The following MARCHF1 variants were observed in gnomAD, a reference collection of about 807,000 sequenced individuals.
The protein encoded by MARCHF1 is membrane associated ring-CH-type finger 1, also known as E3 ubiquitin-protein ligase MARCHF1.
A neutral mutation model predicts 54.2 loss-of-function variants in MARCHF1; 40 were observed. That is an observed-to-expected ratio of 0.74 (90% CI 0.57 to 0.96). MARCHF1 has a LOEUF of 0.96. Among genes scored for constraint, MARCHF1 ranks in the 40% least tolerant of loss-of-function variants. The pLI is 0.00. For synonymous variants in MARCHF1, 236 were observed against 236.3 expected, an observed-to-expected ratio of 1.00 and a Z score of 0.01; for missense variants, 586 against 656.5, an observed-to-expected ratio of 0.89 and a Z score of 1.17.
chr4:163,927,498 C>A (rs1049063166), intron 3 of MARCHF1, among the ~76,000 whole-genome samples: 2 of 151,722 alleles, frequency 1.3e-5, no homozygotes, highest in Non-Finnish European at 3.0e-5. Context: ...AATTTTAAGT[C>A]ATAGAGGTGC....
At position 163,818,395 on chromosome 4, in the gene MARCHF1, A is replaced by G. The variant is rs184570208; in HGVS notation, c.111+35626T>C. Among the ~76,000 whole-genome samples the G allele has an allele frequency of 2.0e-5, 3 of 152,140 alleles. No homozygotes were observed. The East Asian group carries it at 5.8e-4, about 29-fold the overall frequency. Reference sequence around the variant, plus strand: ...ATTAACCCCAGCATCCATTAATAAGATTCTGTGCCTTGTTGATTCTGTGGA... The same window carrying G: ...ATTAACCCCAGCATCCATTAATAAGGTTCTGTGCCTTGTTGATTCTGTGGA... On this transcript the variant is annotated intron_variant, in intron 4 of 9. Coordinates refer to ENST00000514618, the MANE Select transcript of MARCHF1 (RefSeq NM_001394959.1).
At chr4:164,266,992 T>G (rs981967736) in intron 1 of MARCHF1, among the ~76,000 whole-genome samples, 1 of 152,180 alleles carries the variant, frequency 6.6e-6, no homozygotes, top group African/African-American at 2.4e-5. Flanking sequence ...GAGTGTGGGG[T>G]GACATGATGT....
chr4:163,614,492 G>A lies in MARCHF1; in HGVS notation c.163-1099C>T, dbSNP rs148133489. On this transcript the variant is annotated intron_variant, in intron 5 of 9. Coordinates refer to ENST00000514618, the MANE Select transcript of MARCHF1 (RefSeq NM_001394959.1). Reference sequence around the variant, plus strand: ...CTGCAGAGATGAAATGCACAATTTCGTCACCAAGAAAATAACAGTAAAGGT... The same window carrying A: ...CTGCAGAGATGAAATGCACAATTTCATCACCAAGAAAATAACAGTAAAGGT... Among the ~76,000 whole-genome samples the A allele has an allele frequency of 3.6e-4, 55 of 152,078 alleles. No homozygotes were observed. In the East Asian group the frequency reaches 6.0e-3, roughly 17 times the overall value.
intron 1 of MARCHF1, among the ~76,000 whole-genome samples, chr4:164,137,528 C>T (rs147675729): frequency 5.9e-5 from 9 of 151,948 alleles, no homozygotes; most frequent in African/African-American, 1.2e-4. Flanking sequence ...GCGGAAAATG[C>T]GTTTCAGATT....
chr4:164,263,900 G>T (rs938075866), intron 1 of MARCHF1, among the ~76,000 whole-genome samples: 2 of 152,186 alleles, frequency 1.3e-5, no homozygotes, highest in African/African-American at 4.8e-5. Flanking sequence ...GTTGGTGGGT[G>T]TGCAAATCAG....
chr4:163,588,751 T>C (rs1398820249), intron 7 of MARCHF1, among the ~76,000 whole-genome samples: 1 of 152,150 alleles, frequency 6.6e-6, no homozygotes. Context: ...GTTGAGTAGT[T>C]GCTGCAGAGA....
chr4:164,336,236 A>T (rs1245357089), intron 1 of MARCHF1, among the ~76,000 whole-genome samples: 1 of 152,234 alleles, frequency 6.6e-6, no homozygotes, highest in Admixed American at 6.5e-5. Flanking sequence ...AAGACAGCCC[A>T]TGTCAGATAA....
chr4:164,077,135 C>T (rs1754998330), intron 2 of MARCHF1, among the ~76,000 whole-genome samples: 1 of 152,154 alleles, frequency 6.6e-6, no homozygotes. Context: ...AACTATACTA[C>T]AAGTTTACAG....
chr4:163,917,062 G>A (rs775814735), intron 3 of MARCHF1, among the ~76,000 whole-genome samples: 2 of 152,012 alleles, frequency 1.3e-5, no homozygotes, highest in African/African-American at 2.4e-5. Context: ...CCATAGTTTT[G>A]CTGTTTCCAG....
chr4:164,268,860 T>G (rs1211118824), intron 1 of MARCHF1, among the ~76,000 whole-genome samples: 2 of 152,066 alleles, frequency 1.3e-5, no homozygotes, highest in Non-Finnish European at 2.9e-5. Flanking sequence ...AAAAAAGCAA[T>G]AAGAAGCCTC....
At chr4:164,021,079 CTTTTTT>C (rs58872172) in intron 2 of MARCHF1, among the ~76,000 whole-genome samples, 138 of 141,598 alleles carry the variant, frequency 9.7e-4, no homozygotes, top group South Asian at 1.3e-3. Flanking sequence ...ATTTCTGTCC[CTTTTTT>C]TTTTTTTTTT....
chr4:164,081,709 TACACAC>T (rs145723294), intron 2 of MARCHF1, among the ~76,000 whole-genome samples: 4 of 151,084 alleles, frequency 2.6e-5, no homozygotes, highest in African/African-American at 4.9e-5. Flanking sequence ...TGCATGCATA[TACACAC>T]ACACACACAT....
intron 3 of MARCHF1, among the ~76,000 whole-genome samples, chr4:163,859,588 T>C (rs901247640): frequency 2.6e-5 from 4 of 152,210 alleles, no homozygotes; most frequent in South Asian, 4.1e-4. Flanking sequence ...CTTGAACTCC[T>C]AACCTCAGGT....
chr4:164,239,983 A>G (rs1331961736), intron 1 of MARCHF1, among the ~76,000 whole-genome samples: 1 of 152,236 alleles, frequency 6.6e-6, no homozygotes, highest in Non-Finnish European at 1.5e-5. Flanking sequence ...CTTGCTCTAA[A>G]CATTCAGTGT....
chr4:163,669,601 C>CTTTTT (rs11338534), intron 5 of MARCHF1, among the ~76,000 whole-genome samples: 1 of 141,668 alleles, frequency 7.1e-6, no homozygotes, highest in African/African-American at 2.6e-5. Flanking sequence ...AGATGTTTAT[C>CTTTTT]TTTTTTTTTT....
intron 1 of MARCHF1, among the ~76,000 whole-genome samples, chr4:164,153,714 A>T (rs1295637637): frequency 6.6e-6 from 1 of 152,148 alleles, no homozygotes; most frequent in Non-Finnish European, 1.5e-5. Flanking sequence ...AGAAAAATTC[A>T]TCACAGATTA....
At chr4:163,626,646 G>A (rs2110975938) in intron 5 of MARCHF1, among the ~76,000 whole-genome samples, 1 of 152,180 alleles carries the variant, frequency 6.6e-6, no homozygotes, top group Admixed American at 6.5e-5. Context: ...TAGTTCTAGG[G>A]GACCGGGCAC....
chr4:164,172,339 G>C (rs768436103), intron 1 of MARCHF1, among the ~76,000 whole-genome samples: 1 of 152,114 alleles, frequency 6.6e-6, no homozygotes, highest in South Asian at 2.1e-4. Context: ...TTGTTGATAA[G>C]CTTCAATTTT....
At chr4:163,749,444 C>T (rs1028927356) in intron 4 of MARCHF1, among the ~76,000 whole-genome samples, 2 of 151,836 alleles carry the variant, frequency 1.3e-5, no homozygotes, top group African/African-American at 4.8e-5. Flanking sequence ...CCTTCTTGCC[C>T]TGGAAATCCA....
Sources: gnomAD v4.1 joint callset for allele counts (sites outside exome capture counted in the v4.1 genomes callset) on GRCh38, gnomAD v4.1.1 for gene constraint, MANE v1.5 for transcripts, NCBI Gene and HGNC (gene_info 2026-07-23, HGNC 2026-07-21) for gene names.